Variants in RAB38 observed in about 807,000 individuals in gnomAD.
RAB38 encodes the protein RAB38, member RAS oncogene family, also known as ras-related protein Rab-38.
Under a neutral mutation model 18.4 loss-of-function variants are expected in RAB38, and 15 were observed. The ratio of observed to expected loss-of-function variants is 0.82; its 90% CI spans 0.55 to 1.26. The LOEUF is 1.26. RAB38 is among the 50% of genes most tolerant of loss of function. RAB38 has a pLI of 0.00. For missense variants in RAB38, 294 were observed against 267.4 expected, an observed-to-expected ratio of 1.10 and a Z score of -0.69; for synonymous variants, 101 against 104.4, an observed-to-expected ratio of 0.97 and a Z score of 0.20.
the RAB38 span, among the ~76,000 whole-genome samples, chr11:87,858,442 T>C: frequency 6.6e-6 from 1 of 151,966 alleles, no homozygotes; most frequent in Non-Finnish European, 1.5e-5. Flanking sequence ...TCCAGGAGGG[T>C]AGCCTGTCAA....
chr11:87,850,714 CCACA>C, the RAB38 span, among the ~76,000 whole-genome samples: 10,700 of 146,420 alleles, frequency 0.073, 474 homozygotes, highest in Admixed American at 0.15. Context: ...CACAACACTG[CCACA>C]CACACACACA....
At chr11:87,857,578 T>A in the RAB38 span, among the ~76,000 whole-genome samples, 2 of 152,324 alleles carry the variant, frequency 1.3e-5, no homozygotes, top group African/African-American at 4.8e-5. Context: ...AGATGGTATC[T>A]CATTGTGGTT....
chr11:87,941,211 TGA>T, the RAB38 span, among the ~76,000 whole-genome samples: 184 of 24,132 alleles, frequency 7.6e-3, 8 homozygotes, highest in South Asian at 0.027. Flanking sequence ...TATAAATATA[TGA>T]GATATATATA....
At chr11:87,894,718 T>C in the RAB38 span, among the ~76,000 whole-genome samples, 4 of 150,164 alleles carry the variant, frequency 2.7e-5, no homozygotes, top group South Asian at 4.2e-4. Context: ...TGAAATAATA[T>C]GTACACATTA....
At chr11:87,831,286 C>T in the RAB38 span, among the ~76,000 whole-genome samples, 1 of 152,006 alleles carries the variant, frequency 6.6e-6, no homozygotes, top group Non-Finnish European at 1.5e-5. Flanking sequence ...ACCCCAAAAC[C>T]CCATCAAAAG....
the RAB38 span, among the ~76,000 whole-genome samples, chr11:87,878,251 CATCTATCTATCTATCTATCTATCTATCT>C: frequency 1.1e-4 from 11 of 103,376 alleles, 2 homozygotes; most frequent in African/African-American, 2.2e-4. Context: ...ACACACCTAT[CATCTATCTATCTATCTATCTATCTATCT>C]ATCTATCTAT....
chr11:87,841,180 C>T, the RAB38 span, among the ~76,000 whole-genome samples: 10 of 152,188 alleles, frequency 6.6e-5, 1 homozygote, highest in African/African-American at 2.4e-4. Flanking sequence ...GTGTCCCCAC[C>T]CAAATCTCAC....
chr11:87,835,254 A>G, the RAB38 span, among the ~76,000 whole-genome samples: 1 of 152,182 alleles, frequency 6.6e-6, no homozygotes, highest in Non-Finnish European at 1.5e-5. Flanking sequence ...CTATTGGATG[A>G]GTACACCTCT....
chr11:88,108,263 T>C (rs1265198420), downstream of RAB38, among the ~76,000 whole-genome samples: 1 of 152,176 alleles, frequency 6.6e-6, no homozygotes, highest in African/African-American at 2.4e-5. Context: ...TAAGTCTCTT[T>C]GTAGGTCTCT....
chr11:87,887,038 C>T, the RAB38 span, among the ~76,000 whole-genome samples: 1 of 151,894 alleles, frequency 6.6e-6, no homozygotes, highest in Non-Finnish European at 1.5e-5. Context: ...AATGGGAAAA[C>T]AACTCTCTTC....
chr11:87,893,390 A>ATATATTTTT, the RAB38 span, among the ~76,000 whole-genome samples: 21 of 93,890 alleles, frequency 2.2e-4, no homozygotes, highest in Admixed American at 4.4e-4. Context: ...ATATATATAT[A>ATATATTTTT]TTTTTTTTTT....
In RAB38 at chr11:88,114,118, G is replaced by A. The variant is rs1200867702; in HGVS notation, c.506C>T (p.Ala169Val). 4 of 1,613,970 alleles carry A rather than the reference G, an allele frequency of 2.5e-6. No individual in the cohort carries two copies. The highest frequency in any genetic ancestry group is 2.7e-5 in the African/African-American group (2 of 74,918). ...TATGTGTTTCACCAGGCATCTGGAG[G>A]CTTCATCAATGTTTATATTTTCCTA... ...SAKENINIDE[A>V]SRCLVKHILA... The change falls in exon 3 of 3, where the codon GCC (alanine) becomes GTC (valine). Residue 169 changes from alanine to valine, a missense_variant. Coordinates refer to ENST00000243662, the MANE Select transcript of RAB38 (RefSeq NM_022337.3).
At chr11:87,931,108 T>C in the RAB38 span, among the ~76,000 whole-genome samples, 13 of 152,112 alleles carry the variant, frequency 8.5e-5, no homozygotes, top group East Asian at 2.1e-3. Context: ...AAGAAAGTCA[T>C]TGTTAGCTTG....
the RAB38 span, among the ~76,000 whole-genome samples, chr11:87,950,245 T>C: frequency 5.5e-4 from 84 of 152,288 alleles, no homozygotes; most frequent in African/African-American, 1.6e-3. Context: ...GCTTGATAAA[T>C]CTTCCTCCAT....
rs1210087309 is a variant in RAB38, at chr11:88,149,674, C to T, written c.483+1G>A. On this transcript the variant is annotated splice_donor_variant, in intron 2 of 2. Coordinates refer to ENST00000243662, the MANE Select transcript of RAB38 (RefSeq NM_022337.3). LOFTEE classifies it high-confidence loss of function. ...AAGCTTATTATTTAAAGTCACATTA[C>T]CTTTGCTGATGTTTCAAACCATCCT... The T allele has an allele frequency of 6.2e-7, 1 of 1,605,806 alleles. No individual in the cohort carries two copies.
the RAB38 span, among the ~76,000 whole-genome samples, chr11:87,893,989 T>A: frequency 1.3e-5 from 2 of 151,718 alleles, no homozygotes; most frequent in Non-Finnish European, 3.0e-5. Context: ...GCATTGAACC[T>A]GCAGATAACT....
chr11:87,872,082 AT>A, the RAB38 span, among the ~76,000 whole-genome samples: 1 of 151,550 alleles, frequency 6.6e-6, no homozygotes, highest in South Asian at 2.1e-4. Context: ...ATGAATTTAC[AT>A]TTCTACCAAC....
At chr11:87,973,307 A>T in the RAB38 span, among the ~76,000 whole-genome samples, 1 of 152,066 alleles carries the variant, frequency 6.6e-6, no homozygotes, top group East Asian at 1.9e-4. Context: ...AAAAATAAGA[A>T]TTTTAGTTCT....
At chr11:87,960,926 A>G in the RAB38 span, among the ~76,000 whole-genome samples, 2 of 152,204 alleles carry the variant, frequency 1.3e-5, no homozygotes, top group African/African-American at 4.8e-5. Context: ...GACTCAGTAA[A>G]TAGGAGAAAT....
Sources: gnomAD v4.1 joint callset for allele counts (sites outside exome capture counted in the v4.1 genomes callset) on GRCh38, gnomAD v4.1.1 for gene constraint, MANE v1.5 for transcripts, NCBI Gene and HGNC (gene_info 2026-07-23, HGNC 2026-07-21) for gene names.